The following CALN1 variants were observed in gnomAD, a reference collection of about 807,000 sequenced individuals.
CALN1 encodes calneuron 1.
Under a neutral mutation model 30.6 loss-of-function variants are expected in CALN1, and 17 were observed. That is an observed-to-expected ratio of 0.56 (90% CI 0.38 to 0.83). The LOEUF (loss-of-function observed/expected upper bound fraction) is 0.83. Ranked by LOEUF, CALN1 falls within the 40% of genes least tolerant of loss-of-function variation. CALN1 has a pLI of 0.00. For missense variants in CALN1, 291 were observed against 354.9 expected, an observed-to-expected ratio of 0.82 and a Z score of 1.45; for synonymous variants, 156 against 131.4, an observed-to-expected ratio of 1.19 and a Z score of -1.28.
At chr7:72,035,025 C>G (rs1403784438) in intron 4 of CALN1, among the ~76,000 whole-genome samples, 1 of 151,978 alleles carries the variant, frequency 6.6e-6, no homozygotes, top group Non-Finnish European at 1.5e-5. Flanking sequence ...CTAATAATAG[C>G]AATTTATTCA....
At chr7:71,949,830 T>C (rs1182060099) in intron 5 of CALN1, among the ~76,000 whole-genome samples, 2 of 151,676 alleles carry the variant, frequency 1.3e-5, no homozygotes, top group Non-Finnish European at 1.5e-5. Context: ...GGCACGATCT[T>C]GGCTCACTGC....
chr7:71,958,497 T>G (rs1179287075), intron 5 of CALN1, among the ~76,000 whole-genome samples: 1 of 152,180 alleles, frequency 6.6e-6, no homozygotes, highest in Admixed American at 6.5e-5. Context: ...AAAGTACCAA[T>G]AGACTACCAA....
intron 3 of CALN1, among the ~76,000 whole-genome samples, chr7:72,169,564 T>A (rs1188920762): frequency 6.6e-6 from 1 of 151,316 alleles, no homozygotes; most frequent in Non-Finnish European, 1.5e-5. Context: ...CTCAGGTGAT[T>A]TTTTTGCCTC....
intron 3 of CALN1, among the ~76,000 whole-genome samples, chr7:72,242,476 T>C (rs370382014): frequency 2.8e-4 from 43 of 152,258 alleles, no homozygotes; most frequent in African/African-American, 9.4e-4. Flanking sequence ...GAAAATAAAA[T>C]CCACTCTAGT....
chr7:72,360,136 G>A (rs980612862), intron 2 of CALN1, among the ~76,000 whole-genome samples: 1 of 152,064 alleles, frequency 6.6e-6, no homozygotes, highest in African/African-American at 2.4e-5. Flanking sequence ...AAACTATAAA[G>A]GACATTATTG....
intron 5 of CALN1, among the ~76,000 whole-genome samples, chr7:71,991,880 A>T (rs988334658): frequency 6.6e-6 from 1 of 151,904 alleles, no homozygotes; most frequent in Non-Finnish European, 1.5e-5. Context: ...TGTAAAAATA[A>T]GTAATTCAAA....
chr7:72,209,080 T>C (rs1428244699), intron 3 of CALN1, among the ~76,000 whole-genome samples: 1 of 136,798 alleles, frequency 7.3e-6, no homozygotes, highest in East Asian at 2.3e-4. Flanking sequence ...CCTCTCTCCT[T>C]CCCTTCCCTC....
rs1792608168 is a variant in CALN1, at chr7:71,779,550, T to C, written c.*8225A>G. The C allele has an allele frequency of 6.6e-6, 1 of 152,202 alleles. No homozygotes were observed. Among genetic ancestry groups the C allele is most frequent in the Non-Finnish European group, 1.5e-5 (1 of 68,038 alleles). 9.4% of individuals were successfully genotyped at this position (152,202 alleles called of 1,614,324 possible). A position where few individuals can be genotyped will look rare whatever the true frequency, so the allele number is the denominator to read the frequency against. ...CATAAATAATGGTAAATTAGACTCT[T>C]TTTATACAGATTATATATTTACAGA... On this transcript the variant is annotated 3_prime_UTR_variant, in exon 7 of 7. Transcript: ENST00000395275.
At position 72,222,519 on chromosome 7, in the gene CALN1, A is replaced by T. The variant is rs962217260; in HGVS notation, c.244+56167T>A. ...AGGATGGTGCTAAACCATTCACAAG[A>T]AGTTTGCCCCCATGATCCAATCACA... On this transcript the variant is annotated intron_variant, in intron 3 of 6. Coordinates refer to ENST00000395275, the MANE Select transcript of CALN1 (RefSeq NM_031468.4). Among the ~76,000 whole-genome samples the T allele has an allele frequency of 3.9e-5, 6 of 152,196 alleles. No homozygotes were observed. In the South Asian group the frequency reaches 1.2e-3, roughly 32 times the overall value.
intron 5 of CALN1, among the ~76,000 whole-genome samples, chr7:71,882,894 T>TGTG (rs1792669257): frequency 5.3e-4 from 53 of 99,122 alleles, no homozygotes; most frequent in African/African-American, 1.8e-3. Flanking sequence ...GTGTGTGTGT[T>TGTG]TGTAAAGACA....
At chr7:72,054,731 AG>A (rs1254958392) in intron 4 of CALN1, among the ~76,000 whole-genome samples, 1 of 151,788 alleles carries the variant, frequency 6.6e-6, no homozygotes, top group Non-Finnish European at 1.5e-5. Flanking sequence ...GGATGCGAAG[AG>A]GGGAACAACA....
At chr7:71,956,380 T>C (rs910450555) in intron 5 of CALN1, among the ~76,000 whole-genome samples, 26 of 152,256 alleles carry the variant, frequency 1.7e-4, no homozygotes, top group African/African-American at 6.3e-4. Context: ...AGGGGAGGAC[T>C]TGGGAGCTAC....
chr7:72,226,134 G>A (rs568234483), intron 3 of CALN1, among the ~76,000 whole-genome samples: 2 of 149,634 alleles, frequency 1.3e-5, no homozygotes, highest in South Asian at 2.2e-4. Context: ...GGTGGTGCAC[G>A]CTAAGAAGGC....
At chr7:72,142,865 G>C (rs1379491783) in intron 3 of CALN1, among the ~76,000 whole-genome samples, 1 of 152,158 alleles carries the variant, frequency 6.6e-6, no homozygotes, top group African/African-American at 2.4e-5. Context: ...AGGCAAACAA[G>C]GTCTGGAGTG....
chr7:72,373,372 C>A (rs916339921), intron 2 of CALN1, among the ~76,000 whole-genome samples: 1 of 152,110 alleles, frequency 6.6e-6, no homozygotes, highest in Admixed American at 6.5e-5. Context: ...TCAAATTTTG[C>A]AAAATGCAGA....
intron 3 of CALN1, among the ~76,000 whole-genome samples, chr7:72,240,137 G>A (rs1403732892): frequency 6.6e-6 from 1 of 151,976 alleles, no homozygotes; most frequent in East Asian, 1.9e-4. Flanking sequence ...GGCTACTTTG[G>A]GAAGTCTCAT....
chr7:72,182,738 A>AG (rs1273558471), intron 3 of CALN1, among the ~76,000 whole-genome samples: 1 of 150,288 alleles, frequency 6.7e-6, no homozygotes, highest in Non-Finnish European at 1.5e-5. Flanking sequence ...CAAAAAATGA[A>AG]AAAAAAATGA....
chr7:71,915,325 A>G (rs1009528545), intron 5 of CALN1, among the ~76,000 whole-genome samples: 1 of 152,238 alleles, frequency 6.6e-6, no homozygotes, highest in African/African-American at 2.4e-5. Context: ...AGGTGAACCA[A>G]TTAAGTTTTT....
At chr7:71,987,523 G>A (rs1798736964) in intron 5 of CALN1, among the ~76,000 whole-genome samples, 1 of 152,240 alleles carries the variant, frequency 6.6e-6, no homozygotes, top group African/African-American at 2.4e-5. Context: ...GAGCCACTGG[G>A]CAAGTGTGGA....
Sources: gnomAD v4.1 joint callset for allele counts (sites outside exome capture counted in the v4.1 genomes callset) on GRCh38, gnomAD v4.1.1 for gene constraint, MANE v1.5 for transcripts, NCBI Gene and HGNC (gene_info 2026-07-23, HGNC 2026-07-21) for gene names.